The following DLG2 variants were observed in gnomAD, a reference collection of about 807,000 sequenced individuals.
The protein encoded by DLG2 is disks large homolog 2.
In DLG2, 45 loss-of-function variants were observed where a neutral mutation model predicts 132.5. The ratio of observed to expected loss-of-function variants is 0.34; its 90% CI spans 0.27 to 0.44. The LOEUF is 0.44. Ranked by LOEUF, DLG2 falls within the 20% of genes least tolerant of loss-of-function variation. DLG2 has a pLI of 1.00. For synonymous variants in DLG2, 424 were observed against 419.6 expected (o/e 1.01, Z -0.13); for missense variants, 1,045 against 1,196.9 (o/e 0.87, Z 1.87).
intron 6 of DLG2, chr11:84,997,264 G>A (rs935539436): frequency 6.6e-5 from 10 of 152,340 alleles, no homozygotes; most frequent in African/African-American, 2.4e-4. Flanking sequence ...TTTTACATCT[G>A]GCTTGCAAAG....
At chr11:85,594,080 G>C (rs2079559268) in intron 3 of DLG2, among the ~76,000 whole-genome samples, 1 of 152,000 alleles carries the variant, frequency 6.6e-6, no homozygotes, top group Non-Finnish European at 1.5e-5. Flanking sequence ...ATATAAAAAG[G>C]GGCAGAAGTA....
chr11:85,546,684 G>A (rs560330971), intron 3 of DLG2, among the ~76,000 whole-genome samples: 2 of 152,182 alleles, frequency 1.3e-5, no homozygotes, highest in African/African-American at 4.8e-5. Context: ...CCTGTATTGG[G>A]TGCATATATA....
chr11:84,787,621 T>C (rs1175819484), intron 6 of DLG2, among the ~76,000 whole-genome samples: 1 of 152,198 alleles, frequency 6.6e-6, no homozygotes, highest in Non-Finnish European at 1.5e-5. Flanking sequence ...ATTTCCTCTA[T>C]AATATTCTGA....
intron 6 of DLG2, among the ~76,000 whole-genome samples, chr11:84,962,112 T>C (rs1466102904): frequency 6.6e-6 from 1 of 152,258 alleles, no homozygotes; most frequent in Non-Finnish European, 1.5e-5. Flanking sequence ...GGCCCCACAA[T>C]GTGCTAAGCA....
intron 3 of DLG2, among the ~76,000 whole-genome samples, chr11:85,424,057 G>T (rs427339): frequency 1.3e-5 from 2 of 152,024 alleles, no homozygotes; most frequent in Non-Finnish European, 2.9e-5. Flanking sequence ...AGGACCCCAT[G>T]AGGCCAGGCA....
At chr11:85,377,824 T>TGTGTGTACAC (rs1565401029) in intron 3 of DLG2, among the ~76,000 whole-genome samples, 1 of 149,208 alleles carries the variant, frequency 6.7e-6, no homozygotes, top group African/African-American at 2.5e-5. Context: ...TGTGTGTGTG[T>TGTGTGTACAC]ATACATATAT....
chr11:83,553,078 C>G (rs968319148), intron 19 of DLG2, among the ~76,000 whole-genome samples: 1 of 152,040 alleles, frequency 6.6e-6, no homozygotes, highest in Non-Finnish European at 1.5e-5. Context: ...ATCTCTGTGC[C>G]CCTTGCAAAG....
chr11:84,198,009 T>C (rs978354454), intron 8 of DLG2, among the ~76,000 whole-genome samples: 2 of 152,192 alleles, frequency 1.3e-5, no homozygotes, highest in Middle Eastern at 3.2e-3. Context: ...TAAGATACTT[T>C]TCCCTCAAAA....
intron 3 of DLG2, among the ~76,000 whole-genome samples, chr11:85,478,347 TATTC>T (rs2093202254): frequency 6.6e-6 from 1 of 152,130 alleles, no homozygotes; most frequent in African/African-American, 2.4e-5. Context: ...AGAGTGTAAT[TATTC>T]TAATAGAATT....
chr11:85,164,227 G>GAT (rs1267040599), intron 4 of DLG2, among the ~76,000 whole-genome samples: 3 of 151,936 alleles, frequency 2.0e-5, no homozygotes, highest in Non-Finnish European at 4.4e-5. Context: ...TACATAAAAG[G>GAT]GGAGTTTTTC....
chr11:83,512,558 T>C lies in DLG2; in HGVS notation c.2193+20150A>G, dbSNP rs576935262. Among the ~76,000 whole-genome samples the C allele has an allele frequency of 2.2e-4, 33 of 152,234 alleles. No individual in the cohort carries two copies. The South Asian group carries it at 6.6e-3, about 31-fold the overall frequency. On this transcript the variant is annotated intron_variant, in intron 21 of 27. Coordinates refer to ENST00000376104, the MANE Select transcript of DLG2 (RefSeq NM_001142699.3). ...TTATTTATTTATATTATACTTTAAG[T>C]TTTAGGGTACATGTGCACAATGTGC...
chr11:85,108,861 T>C (rs1050271346), intron 6 of DLG2, among the ~76,000 whole-genome samples: 42 of 152,108 alleles, frequency 2.8e-4, no homozygotes, highest in African/African-American at 9.9e-4. Context: ...GTAACATTGA[T>C]TGTAAGTTAT....
intron 6 of DLG2, among the ~76,000 whole-genome samples, chr11:84,735,429 G>A (rs1198944662): frequency 6.6e-6 from 1 of 152,098 alleles, no homozygotes; most frequent in African/African-American, 2.4e-5. Context: ...TTACGTAGAG[G>A]TGTTTATAGT....
At chr11:84,735,176 T>C (rs2063668562) in intron 6 of DLG2, among the ~76,000 whole-genome samples, 1 of 152,162 alleles carries the variant, frequency 6.6e-6, no homozygotes, top group Non-Finnish European at 1.5e-5. Context: ...GAAGATTCCT[T>C]CTTTTTCTAT....
intron 11 of DLG2, among the ~76,000 whole-genome samples, chr11:84,058,288 C>T (rs1349001506): frequency 6.6e-6 from 1 of 151,524 alleles, no homozygotes; most frequent in African/African-American, 2.4e-5. Context: ...AGATTTTTTC[C>T]AAAACATTAA....
intron 21 of DLG2, among the ~76,000 whole-genome samples, chr11:83,526,228 G>A (rs1376545049): frequency 1.3e-5 from 2 of 152,162 alleles, no homozygotes; most frequent in Non-Finnish European, 2.9e-5. Context: ...AAGGATGATA[G>A]TCCTCTCTGA....
At chr11:85,031,366 G>A (rs1300502334) in intron 6 of DLG2, among the ~76,000 whole-genome samples, 3 of 150,390 alleles carry the variant, frequency 2.0e-5, no homozygotes, top group Non-Finnish European at 4.5e-5. Flanking sequence ...TTTATTTTTA[G>A]ACTAATTTGA....
At chr11:85,558,997 G>A (rs963357783) in intron 3 of DLG2, among the ~76,000 whole-genome samples, 1 of 151,416 alleles carries the variant, frequency 6.6e-6, no homozygotes, top group African/African-American at 2.4e-5. Context: ...AGAACTAAAG[G>A]GAAGAAACCC....
intron 18 of DLG2, among the ~76,000 whole-genome samples, chr11:83,663,591 C>A (rs543310257): frequency 6.6e-6 from 1 of 152,198 alleles, no homozygotes; most frequent in Admixed American, 6.5e-5. Context: ...CAAGTATTAA[C>A]TGAATGAATA....
Sources: allele counts gnomAD v4.1 joint callset (sites outside exome capture counted in the v4.1 genomes callset), GRCh38; gene constraint gnomAD v4.1.1; transcripts MANE v1.5; gene names NCBI Gene and HGNC (gene_info 2026-07-23, HGNC 2026-07-21).